SORCS1: variants seen among roughly 807,000 people sequenced by gnomAD.
SORCS1 encodes the protein VPS10 domain-containing receptor SorCS1.
Under a neutral mutation model 146.1 loss-of-function variants are expected in SORCS1, and 60 were observed. The ratio of observed to expected loss-of-function variants is 0.41; its 90% confidence interval spans 0.33 to 0.51. The LOEUF (loss-of-function observed/expected upper bound fraction) is 0.51. Ranked by LOEUF, SORCS1 falls within the 20% of genes least tolerant of loss-of-function variation. The probability of loss-of-function intolerance (pLI) is 0.21; values close to 1 mark genes in which losing one functional copy is unlikely to be tolerated. For synonymous variants in SORCS1, 637 were observed against 584.0 expected (o/e 1.09, Z -1.31); for missense variants, 1,352 against 1,487.6 (o/e 0.91, Z 1.50).
chr10:106,595,789 G>C (rs1453170663), intron 24 of SORCS1, among the ~76,000 whole-genome samples: 1 of 151,974 alleles, frequency 6.6e-6, no homozygotes, highest in Non-Finnish European at 1.5e-5. Flanking sequence ...TTGGTGCTTT[G>C]GTGCTTAGAA....
intron 1 of SORCS1, among the ~76,000 whole-genome samples, chr10:107,120,714 C>T (rs536488483): frequency 2.6e-5 from 4 of 152,286 alleles, no homozygotes; most frequent in African/African-American, 4.8e-5. Flanking sequence ...AGCACGACTG[C>T]TTAAACCGGC....
chr10:107,174,086 T>G, the SORCS1 span, among the ~76,000 whole-genome samples: 7 of 152,332 alleles, frequency 4.6e-5, no homozygotes, highest in South Asian at 1.4e-3. Context: ...AAATCAGTAT[T>G]TTAAAAATAT....
intron 1 of SORCS1, among the ~76,000 whole-genome samples, chr10:107,079,866 G>C (rs1963191520): frequency 6.6e-6 from 1 of 152,140 alleles, no homozygotes; most frequent in Non-Finnish European, 1.5e-5. Flanking sequence ...ATGGACCCCA[G>C]CTCTTGCCTT....
chr10:107,103,283 C>G lies in SORCS1; in HGVS notation c.558+60686G>C, dbSNP rs557968613. ...ACGTTAAGAAACAAAGGAACAGAAG[C>G]CACGCTAACCCAGCCCTTGATGTGC... On this transcript the variant is annotated intron_variant, in intron 1 of 25. Coordinates refer to ENST00000263054, the MANE Select transcript of SORCS1 (RefSeq NM_052918.5). 3.3e-5 allele frequency among the ~76,000 whole-genome samples: 5 copies of G among 152,290 alleles called. No homozygotes were observed. In the South Asian group the frequency reaches 8.3e-4, roughly 25 times the overall value.
chr10:106,680,891 CA>C (rs1751820516), intron 10 of SORCS1, among the ~76,000 whole-genome samples: 1 of 151,960 alleles, frequency 6.6e-6, no homozygotes, highest in Admixed American at 6.6e-5. Flanking sequence ...GAGTAAATGA[CA>C]AAGTGAAAAT....
At chr10:106,986,401 T>C (rs529203411) in intron 1 of SORCS1, among the ~76,000 whole-genome samples, 73 of 152,264 alleles carry the variant, frequency 4.8e-4, no homozygotes, top group African/African-American at 1.3e-3. Context: ...AAGGAAACCA[T>C]ACTTAGCCAT....
chr10:106,940,569 G>A (rs779145172), intron 2 of SORCS1, among the ~76,000 whole-genome samples: 4 of 152,180 alleles, frequency 2.6e-5, no homozygotes, highest in Non-Finnish European at 4.4e-5. Flanking sequence ...TTTTTAAGAA[G>A]CCATTCATAT....
At chr10:106,648,140 G>A (rs11192993) in intron 18 of SORCS1, among the ~76,000 whole-genome samples, 35,755 of 151,888 alleles carry the variant, frequency 0.24, 5,138 homozygotes, top group East Asian at 0.52. Flanking sequence ...GGGATCCACC[G>A]CACCATTCCT....
At chr10:107,087,402 T>C (rs770959006) in intron 1 of SORCS1, among the ~76,000 whole-genome samples, 1 of 152,214 alleles carries the variant, frequency 6.6e-6, no homozygotes, top group Non-Finnish European at 1.5e-5. Flanking sequence ...TTTCATTTAA[T>C]AAATAAAAGA....
intron 18 of SORCS1, among the ~76,000 whole-genome samples, chr10:106,643,256 T>C (rs1849188420): frequency 6.6e-6 from 1 of 152,232 alleles, no homozygotes; most frequent in Non-Finnish European, 1.5e-5. Flanking sequence ...AGATAATTCA[T>C]GAAAAGCACT....
Position 106,596,557 on chromosome 10 carries a change from T to C in SORCS1, c.3265+794A>G, listed in dbSNP as rs111598153. Among the ~76,000 whole-genome samples the C allele has an allele frequency of 2.7e-3, 404 of 152,248 alleles. 1 individual carries two copies. The highest frequency in any genetic ancestry group is 9.0e-3 in the African/African-American group (376 of 41,548). On this transcript the variant is annotated intron_variant, in intron 24 of 25. Coordinates refer to ENST00000263054, the MANE Select transcript of SORCS1 (RefSeq NM_052918.5). ...CCCATCCTCACCACCACCTTCTCAG[T>C]TGAAGAGATGGAAGCTCAATGACAT...
intron 1 of SORCS1, among the ~76,000 whole-genome samples, chr10:107,106,165 T>C (rs1965288945): frequency 6.6e-6 from 1 of 152,206 alleles, no homozygotes; most frequent in Non-Finnish European, 1.5e-5. Flanking sequence ...TTCTGAATAC[T>C]AGGTACATTC....
chr10:106,943,410 T>A lies in SORCS1; in HGVS notation c.626+13103A>T, dbSNP rs185302671. ...GAGCTCATGCCTTCCAAATATGTCT[T>A]CACATCAGTCCTTCTGCCTGGACTC... On this transcript the variant is annotated intron_variant, in intron 2 of 25. Transcript: ENST00000263054. 2.6e-5 allele frequency among the ~76,000 whole-genome samples: 4 copies of A among 152,256 alleles called. No homozygotes were observed. In the East Asian group the frequency reaches 7.7e-4, roughly 29 times the overall value.
chr10:106,807,178 G>A (rs1947230554), intron 3 of SORCS1, among the ~76,000 whole-genome samples: 1 of 151,554 alleles, frequency 6.6e-6, no homozygotes, highest in Non-Finnish European at 1.5e-5. Context: ...CTGCTTTGAA[G>A]AAGGAAGGAA....
intron 18 of SORCS1, 38 bp from the exon 19 acceptor site, chr10:106,629,426 A>G: frequency 6.2e-7 from 1 of 1,605,104 alleles, no homozygotes; most frequent in Non-Finnish European, 8.5e-7. Flanking sequence ...ATGAGTTAGT[A>G]TTCGGCTGCT....
chr10:106,976,211 G>GTT (rs751512315), intron 1 of SORCS1, among the ~76,000 whole-genome samples: 3 of 134,350 alleles, frequency 2.2e-5, no homozygotes, highest in Non-Finnish European at 3.2e-5. Context: ...TGCTTCATCT[G>GTT]TTTTTTTTTT....
intron 17 of SORCS1, among the ~76,000 whole-genome samples, chr10:106,665,904 T>C (rs1851099471): frequency 6.6e-6 from 1 of 152,144 alleles, no homozygotes; most frequent in African/African-American, 2.4e-5. Context: ...AGTGGCACGA[T>C]TTCAGCTCAC....
At chr10:106,692,509 T>C (rs973932900) in intron 9 of SORCS1, among the ~76,000 whole-genome samples, 9 of 152,230 alleles carry the variant, frequency 5.9e-5, no homozygotes, top group African/African-American at 2.2e-4. Flanking sequence ...GCTTCTGTAC[T>C]GGACAATGAA....
chr10:106,761,915 A>C (rs1042074934), intron 4 of SORCS1, among the ~76,000 whole-genome samples: 5 of 152,342 alleles, frequency 3.3e-5, no homozygotes, highest in Admixed American at 2.0e-4. Context: ...ATTACATGTC[A>C]AAGAAGTGGT....
Sources: gnomAD v4.1 joint callset for allele counts (sites outside exome capture counted in the v4.1 genomes callset) on GRCh38, gnomAD v4.1.1 for gene constraint, MANE v1.5 for transcripts, NCBI Gene and HGNC (gene_info 2026-07-23, HGNC 2026-07-21) for gene names.